The following SCN10A variants were observed in gnomAD, a reference collection of about 807,000 sequenced individuals.
SCN10A encodes sodium voltage-gated channel alpha subunit 10.
In SCN10A, 162 loss-of-function variants were observed where a neutral mutation model predicts 170.7. That is an observed-to-expected ratio of 0.95 (90% confidence interval 0.84 to 1.08). SCN10A has a LOEUF of 1.08. SCN10A is among the 50% of genes least tolerant of loss of function. The pLI is 0.00. For missense variants in SCN10A, 2,527 were observed against 2,436.9 expected (o/e 1.04, Z -0.78); for synonymous variants, 985 against 904.6 (o/e 1.09, Z -1.59).
At chr3:38,741,650 T>C (rs1212500072) in intron 14 of SCN10A, among the ~76,000 whole-genome samples, 1 of 152,164 alleles carries the variant, frequency 6.6e-6, no homozygotes, top group Non-Finnish European at 1.5e-5. Flanking sequence ...CCAGTATGGA[T>C]TGTATCTTGT....
intron 4 of SCN10A, among the ~76,000 whole-genome samples, chr3:38,779,928 A>G (rs1181689492): frequency 6.6e-6 from 1 of 151,702 alleles, no homozygotes; most frequent in Non-Finnish European, 1.5e-5. Context: ...TCATGGCTTA[A>G]TATTTGGTTT....
Position 38,742,307 on chromosome 3 carries a change from A to T in SCN10A, c.2090T>A (p.Leu697His), listed in dbSNP as rs2126014930. ...HGMSPTFEAMLQIGNIVFTIF... is the reference protein window; with the variant it reads ...HGMSPTFEAMHQIGNIVFTIF... ...AGCACTCACGATGTTGCCTATCTGG[A>T]GCATGGCTTCGAAGGTAGGGCTCAT... Residue 697 changes from leucine (L) to histidine (H), a missense_variant, in exon 14 of 28, where the codon CTC becomes CAC. Transcript: ENST00000449082. 6.2e-7 allele frequency: 1 copy of T among 1,612,186 alleles called. No homozygotes were observed. Among genetic ancestry groups the T allele is most frequent in the African/African-American group, 1.3e-5 (1 of 74,446 alleles).
At chr3:38,797,731 C>T (rs1427646059) in intron 1 of SCN10A, among the ~76,000 whole-genome samples, 1 of 152,130 alleles carries the variant, frequency 6.6e-6, no homozygotes, top group East Asian at 1.9e-4. Flanking sequence ...TGTTTAGTAA[C>T]AATGCAAGAA....
At chr3:38,699,202 T>G (rs113636288) in intron 27 of SCN10A, among the ~76,000 whole-genome samples, 10 of 146,626 alleles carry the variant, frequency 6.8e-5, no homozygotes, top group African/African-American at 1.0e-4. Flanking sequence ...TAATTTGTTT[T>G]TTTTTTTTTT....
At chr3:38,724,835 T>G (rs1272091975) in intron 18 of SCN10A, among the ~76,000 whole-genome samples, 1 of 152,166 alleles carries the variant, frequency 6.6e-6, no homozygotes, top group East Asian at 1.9e-4. Flanking sequence ...TCCTACCAAG[T>G]AGGCATTACC....
In SCN10A at chr3:38,760,663, C is replaced by T. The variant is rs1480332807; in HGVS notation, c.950+18G>A. On this transcript the variant is annotated intron_variant, in intron 8 of 27. Transcript: ENST00000449082. Reference sequence around the variant, plus strand: ...GAATTGTTGGGCACTCGTGCTTTGTCATAAGTTGGGAACTCACCCTGAGTC... The same window carrying T: ...GAATTGTTGGGCACTCGTGCTTTGTTATAAGTTGGGAACTCACCCTGAGTC... 1 of 1,607,164 alleles carries T rather than the reference C, an allele frequency of 6.2e-7. No homozygotes were observed. The highest frequency in any genetic ancestry group is 2.2e-5 in the East Asian group (1 of 44,840).
chr3:38,697,964 G>A lies in SCN10A; in HGVS notation c.5256C>T (p.Asp1752=), dbSNP rs138532656. 3.0e-5 allele frequency: 48 copies of A among 1,614,106 alleles called. 1 individual carries two copies. Among genetic ancestry groups the A allele is most frequent in the Middle Eastern group, 3.3e-4 (2 of 6,062 alleles). Residue 1752 remains aspartate (D), a synonymous_variant, in exon 28 of 28, where the codon GAC becomes GAT. Coordinates refer to ENST00000449082, the MANE Select transcript of SCN10A (RefSeq NM_006514.4). ...AGGTAATAAACTGAGTGGCCTCTGGGTCAAACTTCTCCCAGGTCTCATAGA... is the reference window on the plus strand; with the variant it reads ...AGGTAATAAACTGAGTGGCCTCTGGATCAAACTTCTCCCAGGTCTCATAGA... ...DMFYETWEKF[D]PEATQFITFS... is the part of the protein sequence containing the mutation.
chr3:38,753,502 A>G (rs1006669524), intron 11 of SCN10A, among the ~76,000 whole-genome samples: 2 of 152,182 alleles, frequency 1.3e-5, no homozygotes, highest in African/African-American at 4.8e-5. Flanking sequence ...TATCTCACAG[A>G]ACTGAAGTTT....
At chr3:38,715,392 A>C (rs957995003) in intron 21 of SCN10A, among the ~76,000 whole-genome samples, 1 of 152,130 alleles carries the variant, frequency 6.6e-6, no homozygotes, top group Non-Finnish European at 1.5e-5. Flanking sequence ...TGCAAATCTG[A>C]TTATGATCAT....
intron 2 of SCN10A, among the ~76,000 whole-genome samples, chr3:38,792,975 A>G (rs1203821508): frequency 6.6e-6 from 1 of 152,004 alleles, no homozygotes; most frequent in Non-Finnish European, 1.5e-5. Context: ...ATATATGCTT[A>G]TATACCTATA....
intron 20 of SCN10A, among the ~76,000 whole-genome samples, chr3:38,721,559 A>T (rs2063390082): frequency 6.6e-6 from 1 of 152,204 alleles, no homozygotes; most frequent in African/African-American, 2.4e-5. Context: ...GTATTCAGCC[A>T]GGGCCTTAGA....
chr3:38,814,688 T>C (rs529835144), intron 1 of SCN10A, among the ~76,000 whole-genome samples: 3 of 152,332 alleles, frequency 2.0e-5, no homozygotes, highest in South Asian at 2.1e-4. Context: ...TGCTAATGTT[T>C]CAATTTATAT....
Position 38,698,306 on chromosome 3 carries a change from G to A in SCN10A, c.4914C>T (p.Ile1638=), listed in dbSNP as rs756283462. The part of the protein sequence containing the change: ...SFPHVRWEAG[I]DDMFNFQTFA... ...AGGTCTGGAAGTTGAACATGTCGTC[G>A]ATGCCAGCCTCCCACCTCACATGGG... is the stretch of plus-strand genomic sequence containing the variant. Residue 1638 remains isoleucine (I), a synonymous_variant, in exon 28 of 28, where the codon ATC becomes ATT. Coordinates refer to ENST00000449082, the MANE Select transcript of SCN10A (RefSeq NM_006514.4). 7 of 1,614,134 alleles carry A rather than the reference G, an allele frequency of 4.3e-6. No homozygotes were observed. The highest frequency in any genetic ancestry group is 1.1e-5 in the South Asian group (1 of 91,066).
Position 38,707,271 on chromosome 3 carries a change from G to A in SCN10A, c.4386+8C>T, listed in dbSNP as rs898671289. ...CAGGCTGTGCTAGAGGAAACCTCTG[G>A]GGCTCACCAGGGGCCGTGGGATGGG... On this transcript the variant is annotated splice_region_variant and intron_variant, in intron 26 of 27. Transcript: ENST00000449082. The A allele has an allele frequency of 1.2e-6, 2 of 1,613,510 alleles. No homozygotes were observed. Among genetic ancestry groups the A allele is most frequent in the East Asian group, 2.2e-5 (1 of 44,870 alleles).
chr3:38,706,717 G>A (rs1406149320), intron 26 of SCN10A, among the ~76,000 whole-genome samples: 2 of 152,168 alleles, frequency 1.3e-5, no homozygotes, highest in African/African-American at 2.4e-5. Context: ...ATGAAAAAAG[G>A]AGTGAAACTA....
At chr3:38,740,250 C>A (rs1479769046) in intron 14 of SCN10A, among the ~76,000 whole-genome samples, 1 of 152,156 alleles carries the variant, frequency 6.6e-6, no homozygotes, top group Non-Finnish European at 1.5e-5. Flanking sequence ...CTCTAAGATT[C>A]TTTTAGGCTC....
chr3:38,758,262 A>G (rs1390637900), intron 8 of SCN10A, among the ~76,000 whole-genome samples: 2 of 152,188 alleles, frequency 1.3e-5, no homozygotes, highest in African/African-American at 4.8e-5. Context: ...CCACATTTAA[A>G]GATAGGCTCT....
intron 1 of SCN10A, among the ~76,000 whole-genome samples, chr3:38,815,470 G>A (rs1050050443): frequency 3.3e-5 from 5 of 152,324 alleles, no homozygotes; most frequent in Middle Eastern, 3.4e-3. Context: ...TCTGATGTGT[G>A]ACTAAGAATG....
chr3:38,729,352 A>C (rs1023760876), intron 15 of SCN10A, among the ~76,000 whole-genome samples: 1 of 152,152 alleles, frequency 6.6e-6, no homozygotes. Context: ...TTGGCAAAAC[A>C]TCTCTTAGGG....
Sources: gnomAD v4.1 joint callset for allele counts (sites outside exome capture counted in the v4.1 genomes callset) on GRCh38, gnomAD v4.1.1 for gene constraint, MANE v1.5 for transcripts, NCBI Gene and HGNC (gene_info 2026-07-23, HGNC 2026-07-21) for gene names.